The following TADA2A variants were observed in gnomAD, a reference collection of about 807,000 sequenced individuals.
TADA2A encodes transcriptional adaptor 2A, also known as transcriptional adapter 2-alpha.
A neutral mutation model predicts 67.4 loss-of-function variants in TADA2A; 38 were observed. The observed-to-expected ratio is 0.56, with a 90% CI of 0.44 to 0.74. The LOEUF (loss-of-function observed/expected upper bound fraction) is 0.74, where lower values mean the gene tolerates loss of function less well. Among genes scored for constraint, TADA2A ranks in the 30% least tolerant of loss-of-function variants. The probability of loss-of-function intolerance (pLI) is 0.00; values close to 1 mark genes in which losing one functional copy is unlikely to be tolerated. For synonymous variants in TADA2A, 192 were observed against 181.6 expected (o/e 1.06, Z -0.46); for missense variants, 454 against 547.0 (o/e 0.83, Z 1.70).
chr17:37,439,278 TTTA>T (rs879518977), intron 5 of TADA2A, among the ~76,000 whole-genome samples: 6 of 151,570 alleles, frequency 4.0e-5, no homozygotes, highest in East Asian at 1.9e-4. Flanking sequence ...ATTTTTAAAT[TTTA>T]TTATTATTAT....
At chr17:37,451,017 A>G (rs1481822765) in intron 8 of TADA2A, among the ~76,000 whole-genome samples, 2 of 150,658 alleles carry the variant, frequency 1.3e-5, no homozygotes, top group Admixed American at 6.6e-5. Context: ...TATCAGCAGT[A>G]TTTATTCAGA....
At chr17:37,421,444 A>C (rs1475671171) in intron 2 of TADA2A, among the ~76,000 whole-genome samples, 2 of 146,802 alleles carry the variant, frequency 1.4e-5, no homozygotes, top group African/African-American at 4.9e-5. Flanking sequence ...CAAATATAAA[A>C]TAGTATATTC....
chr17:37,425,982 A>T (rs757977357), intron 3 of TADA2A, among the ~76,000 whole-genome samples: 17 of 150,886 alleles, frequency 1.1e-4, no homozygotes, highest in Admixed American at 3.3e-4. Flanking sequence ...AAAAATAAAG[A>T]ATTTTTTTTA....
chr17:37,438,703 T>C (rs2052805899), intron 5 of TADA2A, among the ~76,000 whole-genome samples: 1 of 152,204 alleles, frequency 6.6e-6, no homozygotes. Context: ...AAATACTGTG[T>C]ACAATGAGAA....
At chr17:37,467,697 T>A (rs1268195011) in intron 12 of TADA2A, among the ~76,000 whole-genome samples, 172 bp downstream of exon 12, 1 of 152,166 alleles carries the variant, frequency 6.6e-6, no homozygotes, top group East Asian at 1.9e-4. Flanking sequence ...AATACCTTTG[T>A]ATAGATTATC....
chr17:37,410,391 G>T (rs2051827465), intron 1 of TADA2A, among the ~76,000 whole-genome samples: 1 of 150,236 alleles, frequency 6.7e-6, no homozygotes, highest in Admixed American at 6.7e-5. Context: ...GCCCAGGCTG[G>T]TCTTGAACTC....
At chr17:37,471,264 T>G in intron 14 of TADA2A, 127 bp downstream of exon 14, 1 of 901,968 alleles carries the variant, frequency 1.1e-6, no homozygotes, top group Admixed American at 2.1e-5. Context: ...TAATCAAGTG[T>G]TAGCCCAATA....
chr17:37,422,500 A>ATG (rs2052274850), intron 2 of TADA2A, among the ~76,000 whole-genome samples: 3 of 135,960 alleles, frequency 2.2e-5, no homozygotes, highest in African/African-American at 9.5e-5. Context: ...TATTATTATT[A>ATG]TTATTATTAT....
At chr17:37,444,277 A>G (rs2053011021) in intron 7 of TADA2A, among the ~76,000 whole-genome samples, 1 of 144,662 alleles carries the variant, frequency 6.9e-6, no homozygotes, top group Non-Finnish European at 1.5e-5. Flanking sequence ...AAAAAAAAAG[A>G]ATGAATTGAC....
chr17:37,447,278 C>T (rs976984525), intron 8 of TADA2A, among the ~76,000 whole-genome samples: 9 of 152,166 alleles, frequency 5.9e-5, no homozygotes, highest in African/African-American at 1.7e-4. Context: ...TCTCGTGCCT[C>T]AGCCTCTGGC....
chr17:37,433,043 A>G (rs908931648), intron 4 of TADA2A, among the ~76,000 whole-genome samples: 6 of 141,912 alleles, frequency 4.2e-5, no homozygotes, highest in Admixed American at 3.0e-4. Flanking sequence ...TCTATTCTGT[A>G]TGGGTTTTCC....
At chr17:37,458,674 T>C (rs575208722) in intron 9 of TADA2A, 87 bp downstream of exon 9, 3 of 968,450 alleles carry the variant, frequency 3.1e-6, no homozygotes, top group Middle Eastern at 3.5e-4. Flanking sequence ...TGTGTGTGTG[T>C]CTGTGTCTGT....
Position 37,458,583 on chromosome 17 carries a change from A to G in TADA2A, c.664A>G (p.Lys222Glu). 1 of 1,613,120 alleles carries G rather than the reference A, an allele frequency of 6.2e-7. No individual in the cohort carries two copies. The highest frequency in any genetic ancestry group is 8.5e-7 in the Non-Finnish European group (1 of 1,179,514). Residue 222 changes from lysine to glutamate, a missense_variant, in exon 9 of 16, where the codon AAA becomes GAA. Lys to Glu is a moderately conservative substitution (Grantham distance 56, BLOSUM62 1). Transcript: ENST00000615182. ...CAGGTTAAAGGAGAGACAAAGACGA[A>G]AAAAGTAAGTATAAAAAACCATCCT... ...HSRLKERQRR[K>E]KIIRDHGLIN...
At chr17:37,473,127 A>ATTTTTTT in intron 14 of TADA2A, among the ~76,000 whole-genome samples, 1 of 85,686 alleles carries the variant, frequency 1.2e-5, no homozygotes, top group African/African-American at 4.4e-5. Context: ...ACCTGGAGAA[A>ATTTTTTT]TTTTTTTTTT....
At chr17:37,449,755 G>C (rs1023881528) in intron 8 of TADA2A, among the ~76,000 whole-genome samples, 3 of 152,006 alleles carry the variant, frequency 2.0e-5, no homozygotes, top group Non-Finnish European at 4.4e-5. Context: ...GAGTAGCTGG[G>C]ACTCCAGGCG....
At chr17:37,449,690 G>T (rs2053179845) in intron 8 of TADA2A, among the ~76,000 whole-genome samples, 1 of 151,002 alleles carries the variant, frequency 6.6e-6, no homozygotes, top group South Asian at 2.1e-4. Flanking sequence ...CACAATCATG[G>T]CTCACTGCAG....
intron 2 of TADA2A, among the ~76,000 whole-genome samples, chr17:37,414,070 T>C (rs1164741503): frequency 6.6e-6 from 1 of 152,128 alleles, no homozygotes; most frequent in Non-Finnish European, 1.5e-5. Flanking sequence ...TCTTCCTGTG[T>C]TAGTTTGCTT....
At position 37,477,085 on chromosome 17, in the gene TADA2A, A is replaced by G. The variant is rs1034782270; in HGVS notation, c.*103A>G. 1.8e-5 allele frequency: 22 copies of G among 1,237,206 alleles called. No individual in the cohort carries two copies. In the African/African-American group the frequency reaches 2.1e-4, roughly 12 times the overall value. 76.6% of individuals were successfully genotyped at this position (1,237,206 alleles called of 1,614,324 possible). On this transcript the variant is annotated 3_prime_UTR_variant, in exon 16 of 16. Transcript: ENST00000615182. Reference sequence around the variant, plus strand: ...AGAGTTGTTTTTCAGCTGAATTCTCATGGTGAAAACAGGGGAAAGGACAAA... The same window carrying G: ...AGAGTTGTTTTTCAGCTGAATTCTCGTGGTGAAAACAGGGGAAAGGACAAA...
chr17:37,457,176 CT>C (rs34125875), intron 8 of TADA2A, among the ~76,000 whole-genome samples: 196 of 105,970 alleles, frequency 1.8e-3, no homozygotes, highest in East Asian at 7.5e-3. Context: ...AATCATTATT[CT>C]TTTTTTTTTT....
Sources: allele counts gnomAD v4.1 joint callset (sites outside exome capture counted in the v4.1 genomes callset), GRCh38; gene constraint gnomAD v4.1.1; transcripts MANE v1.5; gene names NCBI Gene and HGNC (gene_info 2026-07-23, HGNC 2026-07-21).